MIA2: variants seen among roughly 807,000 people sequenced by gnomAD.
MIA2 encodes melanoma inhibitory activity protein 2.
Under a neutral mutation model 167.8 loss-of-function variants are expected in MIA2, and 127 were observed. The ratio of observed to expected loss-of-function variants is 0.76; its 90% CI spans 0.66 to 0.88. The LOEUF (loss-of-function observed/expected upper bound fraction) is 0.88. Among genes scored for constraint, MIA2 ranks in the 40% least tolerant of loss-of-function variants. The pLI is 0.00. For missense variants in MIA2, 1,690 were observed against 1,624.7 expected (o/e 1.04, Z -0.69); for synonymous variants, 552 against 541.9 (o/e 1.02, Z -0.26).
At chr14:39,347,596 C>T in intron 26 of MIA2, 117 bp from the exon 27 acceptor site, 1 of 948,668 alleles carries the variant, frequency 1.1e-6, no homozygotes, top group Non-Finnish European at 1.7e-6. Flanking sequence ...ATATTGGTGT[C>T]CAGCTGGCTT....
downstream of MIA2, among the ~76,000 whole-genome samples, chr14:39,354,307 G>T (rs1220873653): frequency 6.6e-6 from 1 of 152,196 alleles, no homozygotes; most frequent in Non-Finnish European, 1.5e-5. Flanking sequence ...GCATTTCTCT[G>T]ATGGCCAGTG....
chr14:39,266,743 G>C, intron 6 of MIA2: 1 of 985,046 alleles, frequency 1.0e-6, no homozygotes, highest in South Asian at 4.7e-5. Context: ...GTACGCCGCC[G>C]TCAGGACTTC....
intron 6 of MIA2, chr14:39,265,264 A>G (rs887290229): frequency 2.7e-6 from 2 of 754,386 alleles, no homozygotes; most frequent in Non-Finnish European, 4.4e-6. Flanking sequence ...CACAAATGTC[A>G]AAACGGGATC....
rs964358225 is a variant in MIA2, at chr14:39,367,325, A to T, written c.2248+18348A>T. 9.9e-5 allele frequency among the ~76,000 whole-genome samples: 15 copies of T among 152,206 alleles called. No individual in the cohort carries two copies. In the East Asian group the frequency reaches 2.9e-3, roughly 29 times the overall value. On this transcript the variant is annotated intron_variant, in intron 23 of 23. Coordinates refer to the MIA2 transcript ENST00000341502. ...TCAGTGCAGCTTCAGGGATGTGGAG[A>T]TGCAGGGGCTGTTGAGCCCTAGAGC... is the stretch of plus-strand genomic sequence containing the variant.
At chr14:39,311,466 CTTTTTTTTTTT>C (rs35478238) in intron 18 of MIA2, among the ~76,000 whole-genome samples, 18 of 43,322 alleles carry the variant, frequency 4.2e-4, no homozygotes, top group African/African-American at 1.5e-3. Context: ...TGATGTGTTG[CTTTTTTTTTTT>C]TTTTTTTTTT....
At chr14:39,332,452 G>A (rs2069127325) in intron 25 of MIA2, among the ~76,000 whole-genome samples, 1 of 152,066 alleles carries the variant, frequency 6.6e-6, no homozygotes, top group Non-Finnish European at 1.5e-5. Flanking sequence ...TCCATTTGTC[G>A]AACTCATTGT....
intron 14 of MIA2, among the ~76,000 whole-genome samples, chr14:39,300,963 C>CGTATATAT (rs2062339272): frequency 7.0e-6 from 1 of 143,192 alleles, no homozygotes; most frequent in African/African-American, 2.6e-5. Context: ...CATACATATA[C>CGTATATAT]ACATATATAC....
At chr14:39,374,884 A>G (rs2075017078) in intron 23 of MIA2, among the ~76,000 whole-genome samples, 1 of 152,228 alleles carries the variant, frequency 6.6e-6, no homozygotes, top group South Asian at 2.1e-4. Context: ...AGGTATTTGA[A>G]TTCTCATTTT....
chr14:39,318,999 A>G (rs2065950153), intron 22 of MIA2, among the ~76,000 whole-genome samples: 1 of 152,168 alleles, frequency 6.6e-6, no homozygotes, highest in African/African-American at 2.4e-5. Context: ...TCCACATAAC[A>G]TCACTATCTC....
At chr14:39,377,728 C>T (rs557245143) in intron 23 of MIA2, among the ~76,000 whole-genome samples, 2 of 151,524 alleles carry the variant, frequency 1.3e-5, no homozygotes, top group South Asian at 4.2e-4. Flanking sequence ...TAAAGTACAG[C>T]AAGAATAATC....
At chr14:39,272,550 A>G (rs2057339072) in intron 6 of MIA2, among the ~76,000 whole-genome samples, 1 of 152,190 alleles carries the variant, frequency 6.6e-6, no homozygotes, top group Admixed American at 6.5e-5. Flanking sequence ...ACCCGCCCCT[A>G]TCTGCCTGGG....
chr14:39,259,993 A>G (rs950180241), intron 6 of MIA2, among the ~76,000 whole-genome samples: 20 of 152,128 alleles, frequency 1.3e-4, no homozygotes, highest in Admixed American at 1.3e-3. Flanking sequence ...TTTGCTCAGA[A>G]TGATGGTTTC....
chr14:39,351,449 T>G (rs2074377524), downstream of MIA2: 1 of 151,772 alleles, frequency 6.6e-6, no homozygotes, highest in Non-Finnish European at 1.5e-5. Flanking sequence ...AAATATTAAG[T>G]AAAATGAAGA....
At chr14:39,274,440 T>C (rs1033978237) in intron 6 of MIA2, among the ~76,000 whole-genome samples, 9 of 150,646 alleles carry the variant, frequency 6.0e-5, no homozygotes, top group Non-Finnish European at 8.9e-5. Context: ...TCTTTTTTTT[T>C]TTTTTTGAGA....
At chr14:39,296,252 A>G (rs182159930) in intron 13 of MIA2, among the ~76,000 whole-genome samples, 1 of 151,958 alleles carries the variant, frequency 6.6e-6, no homozygotes, top group African/African-American at 2.4e-5. Context: ...TTTTTTTAGA[A>G]CTTACATGCC....
chr14:39,243,724 G>T (rs1292662675), intron 3 of MIA2, among the ~76,000 whole-genome samples: 7 of 152,142 alleles, frequency 4.6e-5, no homozygotes, highest in Non-Finnish European at 1.0e-4. Flanking sequence ...AAATTAGCCA[G>T]GTGTGGTGAT....
chr14:39,326,848 T>C lies in MIA2; in HGVS notation c.3497-16T>C. The C allele has an allele frequency of 6.4e-7, 1 of 1,562,394 alleles. No homozygotes were observed. The highest frequency in any genetic ancestry group is 1.2e-5 in the South Asian group (1 of 80,626). On this transcript the variant is annotated splice_polypyrimidine_tract_variant and intron_variant, in intron 24 of 28. Coordinates refer to ENST00000640607, the MANE Select transcript of MIA2 (RefSeq NM_001329214.4). ...TAAGATGAAACAGATTTGTATGTTT[T>C]TTTTTCTTTAATTAGGCTCACGAGG...
intron 23 of MIA2, among the ~76,000 whole-genome samples, chr14:39,372,073 C>G (rs771934580): frequency 9.9e-5 from 15 of 151,832 alleles, no homozygotes; most frequent in Non-Finnish European, 2.1e-4. Context: ...GGTATGGGAT[C>G]GGGAGCTTCC....
intron 14 of MIA2, among the ~76,000 whole-genome samples, chr14:39,300,329 TTATA>T (rs1000433159): frequency 2.0e-5 from 3 of 152,146 alleles, no homozygotes; most frequent in African/African-American, 7.2e-5. Context: ...GGATGTATAG[TTATA>T]TATATTAATT....
Sources: gnomAD v4.1 joint callset for allele counts (sites outside exome capture counted in the v4.1 genomes callset) on GRCh38, gnomAD v4.1.1 for gene constraint, MANE v1.5 for transcripts, NCBI Gene and HGNC (gene_info 2026-07-23, HGNC 2026-07-21) for gene names.